EFCAB11: variants seen among roughly 807,000 people sequenced by gnomAD.
EFCAB11 encodes the protein EF-hand calcium-binding domain-containing protein 11.
EFCAB11 carries 14 observed loss-of-function variants against 23.0 expected under a neutral mutation model. The observed-to-expected ratio is 0.61, with a 90% CI of 0.40 to 0.95. The LOEUF is 0.95. Among genes scored for constraint, EFCAB11 ranks in the 40% least tolerant of loss-of-function variants. The pLI is 0.00. For missense variants in EFCAB11, 198 were observed against 195.8 expected, an observed-to-expected ratio of 1.01 and a Z score of -0.07; for synonymous variants, 65 against 66.6, an observed-to-expected ratio of 0.98 and a Z score of 0.11.
At chr14:89,811,473 T>C (rs1318409439) in intron 5 of EFCAB11, among the ~76,000 whole-genome samples, 1 of 152,042 alleles carries the variant, frequency 6.6e-6, no homozygotes, top group African/African-American at 2.4e-5. Context: ...GGAAGGAAAA[T>C]TAGGGTTGCA....
intron 5 of EFCAB11, among the ~76,000 whole-genome samples, chr14:89,916,670 G>A (rs538663958): frequency 1.3e-3 from 203 of 152,050 alleles, no homozygotes; most frequent in African/African-American, 4.6e-3. Flanking sequence ...TCATGTATTC[G>A]TCAAATACTC....
intron 5 of EFCAB11, among the ~76,000 whole-genome samples, chr14:89,828,639 G>A (rs1886784208): frequency 6.6e-6 from 1 of 152,124 alleles, no homozygotes; most frequent in African/African-American, 2.4e-5. Context: ...AGAACTTATG[G>A]GGTGTTTACT....
chr14:89,885,953 A>G (rs528676515), intron 5 of EFCAB11, among the ~76,000 whole-genome samples: 1 of 151,908 alleles, frequency 6.6e-6, no homozygotes, highest in Non-Finnish European at 1.5e-5. Context: ...GGCTAAAAAT[A>G]GCCAAGATAA....
intron 5 of EFCAB11, among the ~76,000 whole-genome samples, chr14:89,904,103 T>A (rs548057346): frequency 1.3e-5 from 2 of 152,190 alleles, no homozygotes; most frequent in East Asian, 3.9e-4. Context: ...CATTAGGTAT[T>A]TATCCTAATG....
chr14:89,929,039 A>ATATGTGTGTATTT (rs1890295588), intron 5 of EFCAB11, among the ~76,000 whole-genome samples: 2 of 142,442 alleles, frequency 1.4e-5, no homozygotes, highest in African/African-American at 5.4e-5. Context: ...ACATATATAT[A>ATATGTGTGTATTT]TATATACACA....
At chr14:89,909,261 T>C (rs567460960) in intron 5 of EFCAB11, among the ~76,000 whole-genome samples, 1 of 152,282 alleles carries the variant, frequency 6.6e-6, no homozygotes, top group Non-Finnish European at 1.5e-5. Context: ...TTCTCCACAC[T>C]ACACTAGGAG....
At chr14:89,900,104 A>G (rs1889295942) in intron 5 of EFCAB11, among the ~76,000 whole-genome samples, 1 of 152,206 alleles carries the variant, frequency 6.6e-6, no homozygotes, top group South Asian at 2.1e-4. Context: ...GGTGCTGGTT[A>G]TTGTGCCCCC....
intron 5 of EFCAB11, among the ~76,000 whole-genome samples, chr14:89,839,484 A>G (rs984052444): frequency 1.3e-5 from 2 of 152,150 alleles, no homozygotes; most frequent in Non-Finnish European, 2.9e-5. Context: ...AGATACTTAC[A>G]GGAGGATCCA....
At chr14:89,896,629 TTAA>T (rs771954205) in intron 5 of EFCAB11, among the ~76,000 whole-genome samples, 10 of 152,160 alleles carry the variant, frequency 6.6e-5, no homozygotes, top group Non-Finnish European at 1.2e-4. Flanking sequence ...TCATACAGTA[TTAA>T]TAAGAAGAGA....
rs144012748 is a variant in EFCAB11, at chr14:89,820,658, G to A, written c.411-23334C>T. ...TCAGGAGCTACAGTAACCTCTACTT[G>A]CAGCCTTATTTAAACATTATTTCCT... is the stretch of plus-strand genomic sequence containing the variant. On this transcript the variant is annotated intron_variant, in intron 5 of 5. Transcript: ENST00000316738. 4.0e-3 allele frequency among the ~76,000 whole-genome samples: 615 copies of A among 152,162 alleles called. 2 individuals are homozygous for A. Among genetic ancestry groups the A allele is most frequent in the Non-Finnish European group, 6.6e-3 (450 of 68,014 alleles).
intron 3 of EFCAB11, among the ~76,000 whole-genome samples, chr14:89,945,685 A>C (rs1890953745): frequency 6.6e-6 from 1 of 152,082 alleles, no homozygotes. Context: ...ACTTGAAAAG[A>C]ATGTGTATTC....
At chr14:89,815,075 T>A (rs899308673) in intron 5 of EFCAB11, among the ~76,000 whole-genome samples, 1 of 152,174 alleles carries the variant, frequency 6.6e-6, no homozygotes. Context: ...TGGTGTGCAG[T>A]TAGCTTAAAC....
At chr14:89,804,257 C>T (rs1015777963) in intron 5 of EFCAB11, among the ~76,000 whole-genome samples, 3 of 152,216 alleles carry the variant, frequency 2.0e-5, no homozygotes, top group African/African-American at 7.2e-5. Flanking sequence ...GTTTACACTC[C>T]AGCTCACTCT....
rs1434569178 is a variant in EFCAB11, at chr14:89,819,895, T to C, written c.411-22571A>G. 2.0e-5 allele frequency among the ~76,000 whole-genome samples: 3 copies of C among 152,176 alleles called. No homozygotes were observed. In the East Asian group the frequency reaches 5.8e-4, roughly 29 times the overall value. On this transcript the variant is annotated intron_variant, in intron 5 of 5. Transcript: ENST00000316738. ...CACAATAAAAATGTAAAAAATAATT[T>C]AGATAAAAAATCATTTATACCATTA...
At chr14:89,954,083 G>T in intron 1 of EFCAB11, 82 bp from the exon 2 acceptor site, 2 of 1,244,630 alleles carry the variant, frequency 1.6e-6, no homozygotes, top group Admixed American at 2.2e-5. Flanking sequence ...TTTGGACCTC[G>T]AAAATCTAAA....
chr14:89,881,753 C>T (rs182940019), intron 5 of EFCAB11, among the ~76,000 whole-genome samples: 2 of 151,818 alleles, frequency 1.3e-5, no homozygotes, highest in African/African-American at 4.8e-5. Context: ...TGGCCTGGAA[C>T]TAATATATTT....
chr14:89,827,327 C>T (rs1886726212), intron 5 of EFCAB11, among the ~76,000 whole-genome samples: 2 of 152,100 alleles, frequency 1.3e-5, no homozygotes, highest in South Asian at 4.1e-4. Flanking sequence ...GGAAAACGCA[C>T]GAAACTAGAA....
intron 2 of EFCAB11, among the ~76,000 whole-genome samples, chr14:89,951,660 C>T (rs1891171414): frequency 6.6e-6 from 1 of 151,720 alleles, no homozygotes; most frequent in African/African-American, 2.4e-5. Context: ...GTAATCCCAG[C>T]ACTTTGGGAG....
rs367671175 is a variant in EFCAB11 at position 89,812,382 on chromosome 14, C to T, written c.411-15058G>A. On this transcript the variant is annotated intron_variant, in intron 5 of 5. Coordinates refer to ENST00000316738, the MANE Select transcript of EFCAB11 (RefSeq NM_145231.4). ...CTGAACATTGTAAAGATGCCAGATCCTTCCCAATTAATTTATAGGCTGAAT... is the reference window on the plus strand; with the variant it reads ...CTGAACATTGTAAAGATGCCAGATCTTTCCCAATTAATTTATAGGCTGAAT... Among the ~76,000 whole-genome samples, 19 of 152,326 alleles carry T rather than the reference C, an allele frequency of 1.2e-4. No homozygotes were observed. In the East Asian group the frequency reaches 1.3e-3, roughly 11 times the overall value.
Sources: gnomAD v4.1 joint callset for allele counts (sites outside exome capture counted in the v4.1 genomes callset) on GRCh38, gnomAD v4.1.1 for gene constraint, MANE v1.5 for transcripts, NCBI Gene and HGNC (gene_info 2026-07-23, HGNC 2026-07-21) for gene names.